Variants in GNA12 observed in about 807,000 individuals in gnomAD.
GNA12 encodes G protein subunit alpha 12.
In GNA12, 9 loss-of-function variants were observed where a neutral mutation model predicts 26.0. That is an observed-to-expected ratio of 0.35 (90% CI 0.21 to 0.60). GNA12 has a LOEUF of 0.60. GNA12 is among the 20% of genes least tolerant of loss of function. GNA12 has a pLI of 0.78. For missense variants in GNA12, 405 were observed against 525.8 expected, an observed-to-expected ratio of 0.77 and a Z score of 2.25; for synonymous variants, 264 against 219.6, an observed-to-expected ratio of 1.20 and a Z score of -1.79.
At chr7:2,804,976 A>G (rs1319306498) in intron 1 of GNA12, among the ~76,000 whole-genome samples, 1 of 152,174 alleles carries the variant, frequency 6.6e-6, no homozygotes, top group Non-Finnish European at 1.5e-5. Flanking sequence ...TTGATTATCA[A>G]ACATGATGTG....
intron 1 of GNA12, among the ~76,000 whole-genome samples, chr7:2,800,602 G>A (rs991187469): frequency 6.6e-6 from 1 of 152,252 alleles, no homozygotes; most frequent in Non-Finnish European, 1.5e-5. Context: ...GTTAACTAGC[G>A]ACCACGGCAA....
At chr7:2,737,493 T>A (rs1790268480) in intron 2 of GNA12, among the ~76,000 whole-genome samples, 1 of 151,998 alleles carries the variant, frequency 6.6e-6, no homozygotes, top group Non-Finnish European at 1.5e-5. Flanking sequence ...TTCACCAGGT[T>A]AACCAGGCTG....
chr7:2,780,871 T>C (rs1419828964), intron 2 of GNA12, among the ~76,000 whole-genome samples: 1 of 152,248 alleles, frequency 6.6e-6, no homozygotes, highest in Admixed American at 6.5e-5. Flanking sequence ...ATACCTAGGA[T>C]TGGGATTACT....
At chr7:2,749,426 C>T (rs1187442255) in intron 2 of GNA12, among the ~76,000 whole-genome samples, 1 of 151,770 alleles carries the variant, frequency 6.6e-6, no homozygotes, top group Non-Finnish European at 1.5e-5. Flanking sequence ...AAACCAAACA[C>T]CCCATGTTCT....
chr7:2,759,432 G>T (rs1389480450), intron 2 of GNA12, among the ~76,000 whole-genome samples: 1 of 152,202 alleles, frequency 6.6e-6, no homozygotes, highest in Non-Finnish European at 1.5e-5. Context: ...CTGTCCATGT[G>T]ACAGATGGGA....
At chr7:2,760,132 G>C (rs527978048) in intron 2 of GNA12, among the ~76,000 whole-genome samples, 4 of 152,256 alleles carry the variant, frequency 2.6e-5, no homozygotes, top group Non-Finnish European at 5.9e-5. Flanking sequence ...TGGACAAAGA[G>C]AGCCCCACGT....
intron 2 of GNA12, among the ~76,000 whole-genome samples, chr7:2,780,694 A>C (rs748025849): frequency 2.0e-5 from 3 of 152,172 alleles, no homozygotes; most frequent in South Asian, 2.1e-4. Context: ...CCAACATCAT[A>C]ATGTTTGTGA....
At chr7:2,740,113 T>C (rs1429064886) in intron 2 of GNA12, among the ~76,000 whole-genome samples, 1 of 152,196 alleles carries the variant, frequency 6.6e-6, no homozygotes. Context: ...TGTTTTCTGA[T>C]TTTTAAAAAC....
At chr7:2,762,525 A>T (rs1041898455) in intron 2 of GNA12, 8 of 1,099,296 alleles carry the variant, frequency 7.3e-6, no homozygotes, top group Non-Finnish European at 1.0e-5. Flanking sequence ...CTACAAAAGC[A>T]GTTCCACCAC....
At chr7:2,745,584 A>G (rs1429129132) in intron 2 of GNA12, among the ~76,000 whole-genome samples, 1 of 152,252 alleles carries the variant, frequency 6.6e-6, no homozygotes, top group Non-Finnish European at 1.5e-5. Flanking sequence ...TGTAAAGACC[A>G]TCAAGGCTAG....
At chr7:2,786,022 G>T (rs13226653) in intron 2 of GNA12, among the ~76,000 whole-genome samples, 2 of 152,192 alleles carry the variant, frequency 1.3e-5, no homozygotes, top group Admixed American at 6.5e-5. Context: ...AGCTGAGATC[G>T]CACCACTGCA....
intron 2 of GNA12, among the ~76,000 whole-genome samples, chr7:2,794,351 T>C (rs766787175): frequency 4.6e-5 from 7 of 152,182 alleles, no homozygotes; most frequent in Admixed American, 1.3e-4. Flanking sequence ...TTTTACTTTA[T>C]ATACGGTTAA....
intron 2 of GNA12, among the ~76,000 whole-genome samples, chr7:2,789,888 G>C (rs1792473493): frequency 6.6e-6 from 1 of 152,238 alleles, no homozygotes; most frequent in African/African-American, 2.4e-5. Flanking sequence ...GGAAAGGGCA[G>C]AGAAATAGCT....
At chr7:2,786,137 T>C (rs1317964869) in intron 2 of GNA12, among the ~76,000 whole-genome samples, 1 of 152,186 alleles carries the variant, frequency 6.6e-6, no homozygotes, top group East Asian at 1.9e-4. Flanking sequence ...ATTTCGACTG[T>C]GGTGTTACAC....
chr7:2,781,658 T>C (rs1001316821), intron 2 of GNA12, among the ~76,000 whole-genome samples: 5 of 152,174 alleles, frequency 3.3e-5, no homozygotes, highest in African/African-American at 9.7e-5. Context: ...CTTTACTGTA[T>C]ATTCTTTTTT....
At chr7:2,838,834 T>C (rs1778909338) in intron 1 of GNA12, among the ~76,000 whole-genome samples, 1 of 152,116 alleles carries the variant, frequency 6.6e-6, no homozygotes, top group Non-Finnish European at 1.5e-5. Context: ...GGTTAATCTA[T>C]CAAGATATAA....
intron 2 of GNA12, among the ~76,000 whole-genome samples, chr7:2,736,520 G>A (rs560107893): frequency 1.3e-5 from 2 of 152,332 alleles, no homozygotes; most frequent in South Asian, 4.2e-4. Context: ...AGGGGCTGGT[G>A]GCAGTGAAAG....
chr7:2,830,716 C>G (rs1004496877), intron 1 of GNA12, among the ~76,000 whole-genome samples: 2 of 152,134 alleles, frequency 1.3e-5, no homozygotes, highest in African/African-American at 4.8e-5. Context: ...AGAGTAAAGC[C>G]CAACCTGACC....
chr7:2,831,293 C>T (rs1793600309), intron 1 of GNA12, among the ~76,000 whole-genome samples: 2 of 151,992 alleles, frequency 1.3e-5, no homozygotes, highest in South Asian at 4.1e-4. Context: ...CACATCACTC[C>T]ATACTTTTAA....
Sources: allele counts gnomAD v4.1 joint callset (sites outside exome capture counted in the v4.1 genomes callset), GRCh38; gene constraint gnomAD v4.1.1; transcripts MANE v1.5; gene names NCBI Gene and HGNC (gene_info 2026-07-23, HGNC 2026-07-21).